The following SHISA6 variants were observed in gnomAD, a reference collection of about 807,000 sequenced individuals.
SHISA6 encodes the protein protein shisa-6.
Under a neutral mutation model 47.9 loss-of-function variants are expected in SHISA6, and 22 were observed. That is an observed-to-expected ratio of 0.46 (90% CI 0.33 to 0.66). The LOEUF (loss-of-function observed/expected upper bound fraction) is 0.66, where lower values mean the gene tolerates loss of function less well. Ranked by LOEUF, SHISA6 falls within the 30% of genes least tolerant of loss-of-function variation. SHISA6 has a pLI of 0.02. For synonymous variants in SHISA6, 388 were observed against 337.8 expected, an observed-to-expected ratio of 1.15 and a Z score of -1.63; for missense variants, 680 against 764.6, an observed-to-expected ratio of 0.89 and a Z score of 1.30.
At chr17:11,419,229 TAAAAAAG>T (rs201595142) in intron 3 of SHISA6, among the ~76,000 whole-genome samples, 2,448 of 150,018 alleles carry the variant, frequency 0.016, 60 homozygotes, top group African/African-American at 0.056. Context: ...TAATAAAATT[TAAAAAAG>T]AAAAAAGAAA....
chr17:11,548,249 C>G (rs1166561602), intron 3 of SHISA6, among the ~76,000 whole-genome samples: 1 of 152,100 alleles, frequency 6.6e-6, no homozygotes, highest in East Asian at 1.9e-4. Flanking sequence ...GAAGGACCCC[C>G]CGAAAAGACA....
intron 2 of SHISA6, among the ~76,000 whole-genome samples, chr17:11,342,786 C>T (rs1380814958): frequency 6.6e-6 from 1 of 152,188 alleles, no homozygotes; most frequent in Admixed American, 6.5e-5. Flanking sequence ...CTAAGAAGTT[C>T]AACTTGTCAG....
chr17:11,356,380 T>C lies in SHISA6; in HGVS notation c.800-23034T>C, dbSNP rs138976548. On this transcript the variant is annotated intron_variant, in intron 2 of 5. Transcript: ENST00000441885. The stretch of plus-strand genomic sequence containing the variant: ...TCTCCATTGGTCTCTCTCACTTGCA[T>C]GAAACCAGGTCCCAGAGCTGCTGTT... Among the ~76,000 whole-genome samples the C allele has an allele frequency of 1.2e-4, 19 of 152,274 alleles. No homozygotes were observed. The East Asian group carries it at 3.7e-3, about 29-fold the overall frequency.
chr17:11,343,491 T>G (rs1231623840), intron 2 of SHISA6, among the ~76,000 whole-genome samples: 3 of 152,184 alleles, frequency 2.0e-5, no homozygotes, highest in Non-Finnish European at 4.4e-5. Context: ...GCTATTGAGC[T>G]GGTTACAACC....
At chr17:11,527,242 G>A (rs1309041416) in intron 3 of SHISA6, among the ~76,000 whole-genome samples, 4 of 152,088 alleles carry the variant, frequency 2.6e-5, no homozygotes, top group African/African-American at 9.7e-5. Flanking sequence ...TCTGTAATAT[G>A]TACTCCTGCC....
intron 1 of SHISA6, among the ~76,000 whole-genome samples, chr17:11,250,320 G>C (rs1185584758): frequency 9.2e-5 from 14 of 152,118 alleles, no homozygotes; most frequent in Non-Finnish European, 1.8e-4. Context: ...ATTCAGACGG[G>C]GTCACCAGCT....
chr17:11,376,396 C>G (rs1912802768), intron 2 of SHISA6, among the ~76,000 whole-genome samples: 1 of 151,450 alleles, frequency 6.6e-6, no homozygotes, highest in Non-Finnish European at 1.5e-5. Flanking sequence ...GAGCTCACTG[C>G]AACCTCCACC....
intron 3 of SHISA6, among the ~76,000 whole-genome samples, chr17:11,460,094 T>C (rs1915655974): frequency 6.6e-6 from 1 of 152,202 alleles, no homozygotes; most frequent in South Asian, 2.1e-4. Flanking sequence ...ATCTGTTTGA[T>C]TTATTGTGAA....
intron 3 of SHISA6, among the ~76,000 whole-genome samples, chr17:11,380,666 C>A (rs1019489708): frequency 2.0e-5 from 3 of 152,186 alleles, no homozygotes; most frequent in Non-Finnish European, 4.4e-5. Context: ...TCAAACTTAG[C>A]GTTTTAAAAC....
chr17:11,525,861 T>C (rs2071674929), intron 3 of SHISA6, among the ~76,000 whole-genome samples: 1 of 151,632 alleles, frequency 6.6e-6, no homozygotes, highest in Non-Finnish European at 1.5e-5. Context: ...TAAAAAATAT[T>C]GGCTGGGCAT....
intron 2 of SHISA6, among the ~76,000 whole-genome samples, chr17:11,320,077 A>G (rs1368433783): frequency 1.3e-5 from 2 of 152,244 alleles, no homozygotes; most frequent in Non-Finnish European, 2.9e-5. Flanking sequence ...CTTCATGTTT[A>G]ATAGATGAAC....
intron 3 of SHISA6, among the ~76,000 whole-genome samples, chr17:11,446,960 T>C (rs1459516587): frequency 2.0e-5 from 3 of 152,232 alleles, no homozygotes; most frequent in Non-Finnish European, 2.9e-5. Context: ...TATAATTTTA[T>C]TCCTCAACTT....
chr17:11,241,580 G>A lies in SHISA6; in HGVS notation c.158G>A (p.Arg53Gln). ...CGGAGGGCCGGGGGCGCCCTGGCAC[G>A]GGGCGGCCGCGAGCTGAACGGCACC... ...GGRRAGGALARGGRELNGTAR... is the reference protein window; with the variant it reads ...GGRRAGGALAQGGRELNGTAR... Residue 53 changes from arginine to glutamine, a missense_variant, in exon 1 of 6, where the codon CGG becomes CAG. Around this residue, in one of 2 missense-constraint regions of SHISA6, gnomAD observed 121 missense variants for 90.5 expected, o/e 1.34. Coordinates refer to ENST00000441885, the MANE Select transcript of SHISA6 (RefSeq NM_207386.4). The surrounding 1 kb of genome is among the most constrained non-coding windows in gnomAD (Gnocchi z 5.5). 2 of 1,131,754 alleles carry A rather than the reference G, an allele frequency of 1.8e-6. No individual in the cohort carries two copies. The highest frequency in any genetic ancestry group is 2.2e-6 in the Non-Finnish European group (2 of 926,198). The allele number at this position is 1,131,754 out of a possible 1,614,324, so 70.1% of individuals were successfully genotyped here.
intron 3 of SHISA6, among the ~76,000 whole-genome samples, chr17:11,525,631 C>CAAAAAAAAAAAAAAAAAAAAAAA (rs548619604): frequency 5.1e-5 from 3 of 58,906 alleles, no homozygotes; most frequent in South Asian, 8.6e-4. Flanking sequence ...GACTCCGTCT[C>CAAAAAAAAAAAAAAAAAAAAAAA]AAAAAAAAAA....
intron 1 of SHISA6, among the ~76,000 whole-genome samples, chr17:11,261,572 T>C (rs1169960028): frequency 6.6e-6 from 1 of 152,252 alleles, no homozygotes; most frequent in Non-Finnish European, 1.5e-5. Context: ...GCATGGTCTT[T>C]TATGGTGTGC....
intron 2 of SHISA6, among the ~76,000 whole-genome samples, chr17:11,336,965 G>GTGAGA (rs1911342424): frequency 1.3e-5 from 2 of 152,216 alleles, no homozygotes; most frequent in African/African-American, 4.8e-5. Flanking sequence ...TGGCATCTGT[G>GTGAGA]TGAGATGAGA....
At chr17:11,243,571 A>G (rs781082246) in intron 1 of SHISA6, among the ~76,000 whole-genome samples, 3 of 152,186 alleles carry the variant, frequency 2.0e-5, no homozygotes, top group Non-Finnish European at 2.9e-5. Flanking sequence ...TGCAGAAGAC[A>G]AGTGGGACGG....
At chr17:11,313,694 G>A (rs1324382730) in intron 2 of SHISA6, among the ~76,000 whole-genome samples, 1 of 152,148 alleles carries the variant, frequency 6.6e-6, no homozygotes. Context: ...TCAACAGGGT[G>A]AGCTGACAAC....
intron 2 of SHISA6, among the ~76,000 whole-genome samples, chr17:11,295,449 C>T (rs986519027): frequency 1.3e-5 from 2 of 152,108 alleles, no homozygotes; most frequent in Non-Finnish European, 2.9e-5. Context: ...AACAAACATG[C>T]CCACATTCCA....
Sources: allele counts gnomAD v4.1 joint callset (sites outside exome capture counted in the v4.1 genomes callset), GRCh38; gene constraint gnomAD v4.1.1; regional missense constraint gnomAD v4.1.1; non-coding constraint Gnocchi (gnomAD v3.1); transcripts MANE v1.5; gene names NCBI Gene and HGNC (gene_info 2026-07-23, HGNC 2026-07-21).